CACNG5: variants seen among roughly 807,000 people sequenced by gnomAD.
CACNG5 encodes calcium voltage-gated channel auxiliary subunit gamma 5.
In CACNG5, 18 loss-of-function variants were observed where a neutral mutation model predicts 24.8. That is an observed-to-expected ratio of 0.73 (90% CI 0.50 to 1.08). The LOEUF is 1.08. Among genes scored for constraint, CACNG5 ranks in the 50% least tolerant of loss-of-function variants. The pLI is 0.00. For missense variants in CACNG5, 349 were observed against 367.9 expected, an observed-to-expected ratio of 0.95 and a Z score of 0.42; for synonymous variants, 157 against 149.1, an observed-to-expected ratio of 1.05 and a Z score of -0.39.
intron 4 of CACNG5, among the ~76,000 whole-genome samples, chr17:66,881,654 A>C (rs1293362576): frequency 1.3e-5 from 2 of 152,204 alleles, no homozygotes; most frequent in Non-Finnish European, 2.9e-5. Context: ...GAAGATAGGA[A>C]CCCAGTGTGA....
chr17:66,855,346 T>C (rs992991880), intron 1 of CACNG5, among the ~76,000 whole-genome samples: 4 of 152,250 alleles, frequency 2.6e-5, no homozygotes, highest in Non-Finnish European at 4.4e-5. Context: ...CCGGGGCCTC[T>C]GTCCTGGCTG....
intron 2 of CACNG5, 30 bp downstream of exon 2, chr17:66,877,558 T>G (rs985384138): frequency 1.9e-6 from 3 of 1,593,502 alleles, no homozygotes; most frequent in Non-Finnish European, 2.6e-6. Flanking sequence ...GGGACAGCCC[T>G]GCCCCCTGAC....
intron 1 of CACNG5, among the ~76,000 whole-genome samples, chr17:66,864,805 C>T (rs1976908521): frequency 6.6e-6 from 1 of 152,210 alleles, no homozygotes; most frequent in African/African-American, 2.4e-5. Flanking sequence ...AACCATGTGT[C>T]ATCTTCTAAA....
At chr17:66,851,209 A>C (rs1976706754) in intron 1 of CACNG5, among the ~76,000 whole-genome samples, 1 of 152,182 alleles carries the variant, frequency 6.6e-6, no homozygotes, top group Admixed American at 6.5e-5. Flanking sequence ...ACAGGTACAG[A>C]ATCTAAGTTT....
intron 4 of CACNG5, 77 bp downstream of exon 4, chr17:66,880,774 C>T (rs1977148501): frequency 4.6e-6 from 7 of 1,531,416 alleles, no homozygotes; most frequent in South Asian, 3.6e-5. Context: ...CAGAGTCTTG[C>T]TCTGGCACCC....
At chr17:66,851,936 T>G (rs1464447498) in intron 1 of CACNG5, among the ~76,000 whole-genome samples, 1 of 152,354 alleles carries the variant, frequency 6.6e-6, no homozygotes, top group East Asian at 1.9e-4. Flanking sequence ...GATACTTGGA[T>G]AGCTGATAAA....
rs1460418079 is a variant in CACNG5, at chr17:66,877,247, C to T, written c.-86C>T. The T allele has an allele frequency of 1.7e-6, 2 of 1,169,212 alleles. No homozygotes were observed. Among genetic ancestry groups the T allele is most frequent in the Non-Finnish European group, 2.5e-6 (2 of 812,124 alleles). The allele number at this position is 1,169,212 out of a possible 1,614,324, so 72.4% of individuals were successfully genotyped here. On this transcript the variant is annotated 5_prime_UTR_variant, in exon 2 of 6. Coordinates refer to ENST00000533854, the MANE Select transcript of CACNG5 (RefSeq NM_145811.3). Reference sequence around the variant, plus strand: ...CTTCTCAGAGCCGTGGGTACTGCCACCTGCTCACCCACTCTCCCTAGCCCC... The same window carrying T: ...CTTCTCAGAGCCGTGGGTACTGCCATCTGCTCACCCACTCTCCCTAGCCCC...
rs1977321603 is a variant in CACNG5 at position 66,890,129 on chromosome 17, T to C, written c.*4889T>C. ...AACCTGCCTTTGGAACACAGCACTC[T>C]GCCTAGGGAGTAGGTGCACAGGTGG... On this transcript the variant is annotated 3_prime_UTR_variant, in exon 6 of 6. Coordinates refer to ENST00000533854, the MANE Select transcript of CACNG5 (RefSeq NM_145811.3). 6.6e-6 allele frequency among the ~76,000 whole-genome samples: 1 copy of C among 152,222 alleles called. No individual in the cohort carries two copies. Among genetic ancestry groups the C allele is most frequent in the Non-Finnish European group, 1.5e-5 (1 of 68,026 alleles).
chr17:66,870,938 C>T (rs945522165), intron 1 of CACNG5, among the ~76,000 whole-genome samples: 2 of 151,892 alleles, frequency 1.3e-5, no homozygotes, highest in African/African-American at 2.4e-5. Context: ...GGAGATCATG[C>T]CATTGCACCT....
At chr17:66,853,308 C>T (rs570112969) in intron 1 of CACNG5, among the ~76,000 whole-genome samples, 34 of 152,278 alleles carry the variant, frequency 2.2e-4, no homozygotes, top group South Asian at 4.1e-4. Context: ...AAGCTGTACT[C>T]GGGTGTAAGT....
At chr17:66,839,604 C>T (rs141336839) in intron 1 of CACNG5, among the ~76,000 whole-genome samples, 56 of 148,082 alleles carry the variant, frequency 3.8e-4, no homozygotes, top group Admixed American at 1.5e-3. Context: ...GGGGAGAGAG[C>T]GAGAGGGGGA....
intron 1 of CACNG5, among the ~76,000 whole-genome samples, chr17:66,835,544 C>A (rs1976472635): frequency 6.6e-6 from 1 of 152,148 alleles, no homozygotes; most frequent in Non-Finnish European, 1.5e-5. Flanking sequence ...AGGCAATTTA[C>A]CCATGCCAAA....
intron 1 of CACNG5, among the ~76,000 whole-genome samples, chr17:66,871,565 C>G (rs922597093): frequency 6.6e-6 from 1 of 152,140 alleles, no homozygotes; most frequent in African/African-American, 2.4e-5. Context: ...GATTTAATCT[C>G]CACAAGACAT....
At chr17:66,878,755 G>A (rs553956273) in intron 2 of CACNG5, among the ~76,000 whole-genome samples, 2 of 152,262 alleles carry the variant, frequency 1.3e-5, no homozygotes, top group African/African-American at 4.8e-5. Flanking sequence ...CCTCACACAG[G>A]CGCTTCTCCA....
chr17:66,859,042 G>C (rs1976820907), intron 1 of CACNG5, among the ~76,000 whole-genome samples: 2 of 152,154 alleles, frequency 1.3e-5, no homozygotes, highest in African/African-American at 4.8e-5. Context: ...TCACTCGTAG[G>C]GACATGCTCC....
chr17:66,839,529 A>G (rs1276783326), intron 1 of CACNG5, among the ~76,000 whole-genome samples: 1 of 151,968 alleles, frequency 6.6e-6, no homozygotes, highest in Non-Finnish European at 1.5e-5. Flanking sequence ...CAGGGTTGCC[A>G]TTTTCGAAAG....
Position 66,878,851 on chromosome 17 carries a change from T to TCAGGTGCAAAGACACAG in CACNG5, c.197-115_197-99dup. 5.1e-6 allele frequency: 4 copies of TCAGGTGCAAAGACACAG among 790,614 alleles called. No individual in the cohort carries two copies. The South Asian group carries it at 6.9e-5, about 14-fold the overall frequency. The allele number at this position is 790,614 out of a possible 1,614,324, so 49.0% of individuals were successfully genotyped here. A position where few individuals can be genotyped will look rare whatever the true frequency, so the allele number is the denominator to read the frequency against. The stretch of plus-strand genomic sequence containing the variant: ...GACCCCCATAGGGTTTGGATCCAGC[T>TCAGGTGCAAAGACACAG]CAGGTGCAAAGACACAGCAGGTCAA... On this transcript the variant is annotated intron_variant, in intron 2 of 5. Transcript: ENST00000533854.
At chr17:66,862,686 A>G (rs1043590403) in intron 1 of CACNG5, among the ~76,000 whole-genome samples, 4 of 116,506 alleles carry the variant, frequency 3.4e-5, no homozygotes, top group Non-Finnish European at 6.5e-5. Flanking sequence ...TTGGTCATTG[A>G]AGCAGCAGAG....
intron 1 of CACNG5, among the ~76,000 whole-genome samples, chr17:66,837,174 CT>C (rs765224747): frequency 2.5e-4 from 38 of 152,204 alleles, no homozygotes; most frequent in Non-Finnish European, 5.4e-4. Context: ...GTGTTGTGGC[CT>C]CTGCTTTCTC....
Sources: gnomAD v4.1 joint callset for allele counts (sites outside exome capture counted in the v4.1 genomes callset) on GRCh38, gnomAD v4.1.1 for gene constraint, MANE v1.5 for transcripts, NCBI Gene and HGNC (gene_info 2026-07-23, HGNC 2026-07-21) for gene names.